RBPMS2: variants seen among roughly 807,000 people sequenced by gnomAD.
The protein encoded by RBPMS2 is RNA binding protein, mRNA processing factor 2.
In RBPMS2, 14 loss-of-function variants were observed where a neutral mutation model predicts 25.7. The ratio of observed to expected loss-of-function variants is 0.55; its 90% CI spans 0.36 to 0.85. The LOEUF is 0.85. Among genes scored for constraint, RBPMS2 ranks in the 40% least tolerant of loss-of-function variants. The pLI, the probability that RBPMS2 is intolerant of heterozygous loss-of-function variation, is 0.01. For missense variants in RBPMS2, 252 were observed against 283.4 expected (o/e 0.89, Z 0.80); for synonymous variants, 127 against 115.6 (o/e 1.10, Z -0.63).
rs71133473 is a variant in RBPMS2, at chr15:64,761,696, C to CTTTTTTTTT, written c.88-10067_88-10059dup. ...CACAGGTGCACACCACAAAGCCCAGCTTTTTTTTTTTTTTTTTTTTTTTTG... is the reference window on the plus strand; with the variant it reads ...CACAGGTGCACACCACAAAGCCCAGCTTTTTTTTTTTTTTTTTTTTTTTTTTTTTTTTTG... On this transcript the variant is annotated intron_variant, in intron 1 of 7. Transcript: ENST00000300069. Among the ~76,000 whole-genome samples the CTTTTTTTTT allele has an allele frequency of 8.1e-5, 7 of 86,678 alleles. 1 individual carries two copies. Among genetic ancestry groups the CTTTTTTTTT allele is most frequent in the Non-Finnish European group, 8.0e-5 (4 of 49,988 alleles). 56.9% of individuals were successfully genotyped at this position (86,678 alleles called of 152,430 possible). A position where few individuals can be genotyped will look rare whatever the true frequency, so the allele number is the denominator to read the frequency against.
chr15:64,749,767 T>C (rs2083658128), intron 3 of RBPMS2, among the ~76,000 whole-genome samples: 1 of 152,180 alleles, frequency 6.6e-6, no homozygotes, highest in Non-Finnish European at 1.5e-5. Flanking sequence ...GAATTAAACG[T>C]CGCCCTTTTA....
At chr15:64,771,958 T>A (rs1395623679) in intron 1 of RBPMS2, among the ~76,000 whole-genome samples, 1 of 152,164 alleles carries the variant, frequency 6.6e-6, no homozygotes, top group Non-Finnish European at 1.5e-5. Context: ...AAACTCCCCT[T>A]CAAACAAATA....
At chr15:64,745,014 G>A (rs917704598) in intron 6 of RBPMS2, among the ~76,000 whole-genome samples, 5 of 151,736 alleles carry the variant, frequency 3.3e-5, no homozygotes, top group African/African-American at 7.3e-5. Flanking sequence ...GGGTTTCACC[G>A]TGTTAGCCAG....
rs750970102 is a variant in RBPMS2 at position 64,751,554 on chromosome 15, G to A, written c.165+7C>T. 1.9e-6 allele frequency: 3 copies of A among 1,613,448 alleles called. No individual in the cohort carries two copies. Among genetic ancestry groups the A allele is most frequent in the South Asian group, 2.2e-5 (2 of 91,056 alleles). On this transcript the variant is annotated splice_region_variant and intron_variant, in intron 2 of 7. Transcript: ENST00000300069. ...TCTACCCAGGGGGCGGCTGGGTCCTGACTCACCTTGAACGGCCGGAAGAGC... is the reference window on the plus strand; with the variant it reads ...TCTACCCAGGGGGCGGCTGGGTCCTAACTCACCTTGAACGGCCGGAAGAGC...
chr15:64,757,389 T>A (rs1446419768), intron 1 of RBPMS2, among the ~76,000 whole-genome samples: 1 of 152,180 alleles, frequency 6.6e-6, no homozygotes, highest in Non-Finnish European at 1.5e-5. Context: ...CTCCTGCATT[T>A]ACCTGCACAA....
chr15:64,769,442 G>C (rs9672557), intron 1 of RBPMS2, among the ~76,000 whole-genome samples: 17,234 of 103,046 alleles, frequency 0.17, 2,158 homozygotes, highest in South Asian at 0.36. Flanking sequence ...AAAAAAAAAA[G>C]AATTTAAAAA....
intron 1 of RBPMS2, among the ~76,000 whole-genome samples, chr15:64,757,261 C>G (rs1440584456): frequency 6.6e-6 from 1 of 152,122 alleles, no homozygotes; most frequent in African/African-American, 2.4e-5. Flanking sequence ...GTATGAGCCA[C>G]CATGCCTGGC....
Position 64,749,470 on chromosome 15 carries a change from G to A in RBPMS2, c.228C>T (p.Asp76=). The A allele has an allele frequency of 6.2e-7, 1 of 1,613,384 alleles. No individual in the cohort carries two copies. The highest frequency in any genetic ancestry group is 8.5e-7 in the Non-Finnish European group (1 of 1,179,888). The change falls in exon 4 of 8, where the codon GAC becomes GAT. Residue 76 remains aspartate, a synonymous_variant. Transcript: ENST00000300069. ...ARQPVGFVIF[D]SRAGAEAAKN... ...TGGCCGCTTCTGCTCCTGCACGGCT[G>A]TCAAAGATCACAAAACCAACAGGCT...
rs145724466 is a variant in RBPMS2, at chr15:64,739,927, T to A, written c.*1081A>T. On this transcript the variant is annotated 3_prime_UTR_variant, in exon 8 of 8. Transcript: ENST00000300069. ...TTGTTTTATTTTGCATTTCATATAT[T>A]ATCCAGTTTCACATTCTCACAGGAT... 6.5e-6 allele frequency: 1 copy of A among 152,700 alleles called. No homozygotes were observed. The highest frequency in any genetic ancestry group is 1.9e-4 in the East Asian group (1 of 5,186). The allele number at this position is 152,700 out of a possible 1,614,324, so 9.5% of individuals were successfully genotyped here.
rs762894837 is a variant in RBPMS2 at position 64,749,120 on chromosome 15, T to C, written c.298A>G (p.Thr100Ala). ...GCTTTGGCAAACTCTAGCCTCAGAGTCTGTGGATTTTCGGGATCAAAGCGA... is the reference window on the plus strand; with the variant it reads ...GCTTTGGCAAACTCTAGCCTCAGAGCCTGTGGATTTTCGGGATCAAAGCGA... ...GIRFDPENPQ[T>A]LRLEFAKANT... The change falls in exon 5 of 8, where the codon ACT (threonine) becomes GCT (alanine). Residue 100 changes from threonine (T) to alanine (A), a missense_variant. Coordinates refer to ENST00000300069, the MANE Select transcript of RBPMS2 (RefSeq NM_194272.3). The C allele has an allele frequency of 6.2e-7, 1 of 1,614,078 alleles. No homozygotes were observed.
chr15:64,756,011 T>C (rs761292718), intron 1 of RBPMS2, among the ~76,000 whole-genome samples: 3 of 152,162 alleles, frequency 2.0e-5, no homozygotes, highest in Non-Finnish European at 2.9e-5. Flanking sequence ...CCTCGCCTTA[T>C]AGTTCCCAGC....
chr15:64,774,125 C>T (rs1030232885), intron 1 of RBPMS2, among the ~76,000 whole-genome samples: 2 of 152,228 alleles, frequency 1.3e-5, no homozygotes, highest in Non-Finnish European at 2.9e-5. Context: ...CATTCTGCAC[C>T]AACCCCCAGC....
Position 64,741,180 on chromosome 15 carries a change from C to G in RBPMS2, c.630G>C (p.Ter210TyrextTer45). ...TCTGGGGCCAACACTTACTGAAAAA[C>G]TAACAGAACTGACGGTACTTCCATC... ...QQGWKYRQFC[*>Y] Residue 210 changes from the stop codon to tyrosine, a stop_lost, in exon 7 of 8, where the codon TAG (stop) becomes TAC (tyrosine). Transcript: ENST00000300069. The G allele has an allele frequency of 1.3e-6, 2 of 1,578,162 alleles. No homozygotes were observed. Among genetic ancestry groups the G allele is most frequent in the East Asian group, 2.3e-5 (1 of 43,204 alleles).
At chr15:64,747,563 G>T (rs902214144) in intron 6 of RBPMS2, among the ~76,000 whole-genome samples, 2 of 152,170 alleles carry the variant, frequency 1.3e-5, no homozygotes, top group Non-Finnish European at 2.9e-5. Flanking sequence ...GCCCCTTCCT[G>T]TGGCTGCCTG....
chr15:64,753,157 C>T lies in RBPMS2; in HGVS notation c.88-1519G>A, dbSNP rs572684024. Among the ~76,000 whole-genome samples, 10 of 152,028 alleles carry T rather than the reference C, an allele frequency of 6.6e-5. 1 individual carries two copies. Among genetic ancestry groups the T allele is most frequent in the African/African-American group, 2.4e-4 (10 of 41,442 alleles). ...TAATGAAAAATGTGAACAAGCAGAGCGTCCCTACACGCTTGACTCCTGCTC... is the reference window on the plus strand; with the variant it reads ...TAATGAAAAATGTGAACAAGCAGAGTGTCCCTACACGCTTGACTCCTGCTC... On this transcript the variant is annotated intron_variant, in intron 1 of 7. Transcript: ENST00000300069.
Position 64,775,315 on chromosome 15 carries a change from C to T in RBPMS2, c.5G>A (p.Ser2Asn), listed in dbSNP as rs758862192. The change falls in exon 1 of 8, where the codon AGC (serine) becomes AAC (asparagine). Residue 2 changes from serine (S) to asparagine (N), a missense_variant. Physicochemically the swap from Ser to Asn is conservative, Grantham distance 46 (BLOSUM62 1). Coordinates refer to ENST00000300069, the MANE Select transcript of RBPMS2 (RefSeq NM_194272.3). ...GTGCTCGCCGTCCGGCTTCAGGTTG[C>T]TCATGGTGCGGGGGAGGGGGCGGCG... M[S>N]NLKPDGEHGG... 7.5e-7 allele frequency: 1 copy of T among 1,339,014 alleles called. No homozygotes were observed. Among genetic ancestry groups the T allele is most frequent in the South Asian group, 1.8e-5 (1 of 56,322 alleles). The allele number at this position is 1,339,014 out of a possible 1,614,324, so 82.9% of individuals were successfully genotyped here.
intron 1 of RBPMS2, among the ~76,000 whole-genome samples, chr15:64,754,387 G>A (rs2083712335): frequency 1.3e-5 from 2 of 152,110 alleles, no homozygotes; most frequent in Non-Finnish European, 2.9e-5. Context: ...CGAGGTGGGT[G>A]GATCACTTGA....
rs68167030 is a variant in RBPMS2 at position 64,751,335 on chromosome 15, G to GAAA, written c.165+223_165+225dup. 2.0e-3 allele frequency among the ~76,000 whole-genome samples: 291 copies of GAAA among 144,916 alleles called. 2 individuals carry two copies. The highest frequency in any genetic ancestry group is 0.011 in the South Asian group (52 of 4,538). On this transcript the variant is annotated intron_variant, in intron 2 of 7. Transcript: ENST00000300069. ...GCGGCAGAGCAAGACTCGTCTCGAG[G>GAAA]AAAAAAAAAAAAAGATTCTTACTGT... is the stretch of plus-strand genomic sequence containing the variant.
At chr15:64,743,643 G>GT (rs1443871306) in intron 6 of RBPMS2, among the ~76,000 whole-genome samples, 1 of 32,924 alleles carries the variant, frequency 3.0e-5, no homozygotes, top group East Asian at 2.8e-3. Context: ...TGTGCCCAGG[G>GT]GGGGGGGGGC....
Sources: gnomAD v4.1 joint callset for allele counts (sites outside exome capture counted in the v4.1 genomes callset) on GRCh38, gnomAD v4.1.1 for gene constraint, MANE v1.5 for transcripts, NCBI Gene and HGNC (gene_info 2026-07-23, HGNC 2026-07-21) for gene names.